MBOAT2: variants seen among roughly 807,000 people sequenced by gnomAD.
The protein encoded by MBOAT2 is membrane-bound glycerophospholipid O-acyltransferase 2.
Under a neutral mutation model 63.4 loss-of-function variants are expected in MBOAT2, and 28 were observed. That is an observed-to-expected ratio of 0.44 (90% confidence interval 0.33 to 0.61). The LOEUF is 0.61. Ranked by LOEUF, MBOAT2 falls within the 20% of genes least tolerant of loss-of-function variation. The pLI is 0.03. For missense variants in MBOAT2, 470 were observed against 605.8 expected (o/e 0.78, Z 2.35); for synonymous variants, 211 against 215.6 (o/e 0.98, Z 0.19).
In MBOAT2 at chr2:8,862,495, A is replaced by G. The variant is rs1661566993; in HGVS notation, c.1185+95T>C. On this transcript the variant is annotated intron_variant, in intron 11 of 12. Transcript: ENST00000305997. The surrounding 1 kb of genome is among the most constrained non-coding windows in gnomAD (Gnocchi z 4.3). ...GAAAGGACAATACTGACCACGACCAAGGAAAGAGGGTCTACCTTGTAAGAG... is the reference window on the plus strand; with the variant it reads ...GAAAGGACAATACTGACCACGACCAGGGAAAGAGGGTCTACCTTGTAAGAG... 6.8e-7 allele frequency: 1 copy of G among 1,470,662 alleles called. No individual in the cohort carries two copies. The highest frequency in any genetic ancestry group is 1.3e-5 in the South Asian group (1 of 76,030). The allele number at this position is 1,470,662 out of a possible 1,614,324, so 91.1% of individuals were successfully genotyped here.
chr2:8,913,973 G>A (rs1413232262), intron 3 of MBOAT2, among the ~76,000 whole-genome samples: 4 of 152,172 alleles, frequency 2.6e-5, no homozygotes, highest in Non-Finnish European at 4.4e-5. Flanking sequence ...ATATATATAC[G>A]ATGGAATACT....
At chr2:8,919,415 T>G (rs576500095) in intron 3 of MBOAT2, among the ~76,000 whole-genome samples, 3 of 152,358 alleles carry the variant, frequency 2.0e-5, no homozygotes, top group African/African-American at 7.2e-5. Context: ...ACATCCATTC[T>G]AGTGGATATA....
chr2:8,871,111 C>T lies in MBOAT2; in HGVS notation c.883+1997G>A, dbSNP rs1193940090. 9.2e-5 allele frequency among the ~76,000 whole-genome samples: 14 copies of T among 152,214 alleles called. 1 individual carries two copies. The East Asian group carries it at 2.3e-3, about 25-fold the overall frequency. ...CCTGGCTAAAGCGGTACTCCCACCT[C>T]AGACTCCTGAGTAGCTGGGACCACA... On this transcript the variant is annotated intron_variant, in intron 8 of 12. Transcript: ENST00000305997.
Position 8,862,714 on chromosome 2 carries a change from T to C in MBOAT2, c.1061A>G (p.Tyr354Cys), listed in dbSNP as rs1454776174. 2 of 1,612,702 alleles carry C rather than the reference T, an allele frequency of 1.2e-6. No individual in the cohort carries two copies. The highest frequency in any genetic ancestry group is 1.7e-6 in the Non-Finnish European group (2 of 1,179,554). ...QTALWLKRVC[Y>C]ERTSFSPTIQ... ...AGTTGGACTGAAGGAGGTTCGTTCATAACACACCCTAGAAACCATGAAAAA... is the reference window on the plus strand; with the variant it reads ...AGTTGGACTGAAGGAGGTTCGTTCACAACACACCCTAGAAACCATGAAAAA... The change falls in exon 11 of 13, where the codon TAT becomes TGT. Residue 354 changes from tyrosine (Y) to cysteine (C), a missense_variant. This residue lies in a region of MBOAT2 where 376 missense variants were observed against 503.8 expected (regional missense o/e 0.75). Transcript: ENST00000305997. The surrounding 1 kb of genome is among the most constrained non-coding windows in gnomAD (Gnocchi z 4.3).
At chr2:8,939,860 C>T (rs992289962) in intron 3 of MBOAT2, among the ~76,000 whole-genome samples, 5 of 152,208 alleles carry the variant, frequency 3.3e-5, no homozygotes, top group African/African-American at 1.2e-4. Flanking sequence ...AGATTCTCCT[C>T]TGTCTGCTGA....
In MBOAT2 at chr2:8,856,351, C is replaced by T. The variant is rs1661086386; in HGVS notation, c.*2328G>A. The T allele has an allele frequency of 6.6e-6, 1 of 151,300 alleles. No homozygotes were observed. Among genetic ancestry groups the T allele is most frequent in the African/African-American group, 2.4e-5 (1 of 41,124 alleles). The allele number at this position is 151,300 out of a possible 1,614,324, so 9.4% of individuals were successfully genotyped here. On this transcript the variant is annotated 3_prime_UTR_variant, in exon 13 of 13. Coordinates refer to ENST00000305997, the MANE Select transcript of MBOAT2 (RefSeq NM_138799.4). The surrounding 1 kb of genome is among the most constrained non-coding windows in gnomAD (Gnocchi z 4.2). The stretch of plus-strand genomic sequence containing the variant: ...CACACACACACACACGAACAAAACC[C>T]AACAAGTTTGTATTAAGCCTTCTTG...
chr2:8,984,208 A>G (rs959232010), intron 1 of MBOAT2, among the ~76,000 whole-genome samples: 3 of 152,220 alleles, frequency 2.0e-5, no homozygotes, highest in Non-Finnish European at 4.4e-5. Flanking sequence ...AGAACAGTCA[A>G]CTTCACAGAA....
chr2:8,971,330 A>C (rs1670436227), intron 1 of MBOAT2, among the ~76,000 whole-genome samples: 1 of 152,250 alleles, frequency 6.6e-6, no homozygotes, highest in Non-Finnish European at 1.5e-5. Context: ...TTCGTGCTAA[A>C]AACTCTCAAT....
intron 3 of MBOAT2, among the ~76,000 whole-genome samples, chr2:8,915,289 T>C (rs62104425): frequency 0.068 from 10,299 of 152,192 alleles, 379 homozygotes; most frequent in Middle Eastern, 0.095. Context: ...TATCACAAAG[T>C]ACTAAATAGT....
chr2:8,904,668 A>G (rs575873628), intron 4 of MBOAT2, among the ~76,000 whole-genome samples: 36 of 152,174 alleles, frequency 2.4e-4, no homozygotes, highest in African/African-American at 8.4e-4. Context: ...CAGTTACTCT[A>G]TGTTCTACAG....
chr2:8,859,271 T>C (rs1661328778), intron 12 of MBOAT2, among the ~76,000 whole-genome samples: 5 of 152,172 alleles, frequency 3.3e-5, no homozygotes, highest in Admixed American at 3.3e-4. Context: ...AAAGAAAATG[T>C]GGAGATAGTT....
At chr2:8,859,885 T>C (rs183551999) in intron 12 of MBOAT2, among the ~76,000 whole-genome samples, 1 of 152,184 alleles carries the variant, frequency 6.6e-6, no homozygotes, top group African/African-American at 2.4e-5. Flanking sequence ...ACAAATAAAA[T>C]ATAATTTATT....
At chr2:8,922,124 C>A (rs1027890861) in intron 3 of MBOAT2, among the ~76,000 whole-genome samples, 3 of 152,164 alleles carry the variant, frequency 2.0e-5, no homozygotes, top group African/African-American at 7.2e-5. Flanking sequence ...CTTAAGTTCA[C>A]TGATGCTTTG....
intron 7 of MBOAT2, among the ~76,000 whole-genome samples, chr2:8,874,442 A>C (rs1662560513): frequency 2.0e-5 from 3 of 152,218 alleles, no homozygotes; most frequent in African/African-American, 7.2e-5. Flanking sequence ...AAATGAAGCA[A>C]GGTGAAATAA....
At chr2:8,995,266 G>C (rs1009542137) in intron 1 of MBOAT2, among the ~76,000 whole-genome samples, 2 of 152,274 alleles carry the variant, frequency 1.3e-5, no homozygotes, top group East Asian at 1.9e-4. Context: ...CATGGAGCAG[G>C]CTCTCTCACA....
intron 2 of MBOAT2, among the ~76,000 whole-genome samples, chr2:8,956,467 G>A (rs1024115995): frequency 1.2e-4 from 18 of 152,114 alleles, no homozygotes; most frequent in African/African-American, 3.4e-4. Context: ...TTGGGAAGTC[G>A]AGCTGGGCAG....
intron 4 of MBOAT2, among the ~76,000 whole-genome samples, chr2:8,889,395 G>A (rs1384757635): frequency 6.6e-6 from 1 of 152,206 alleles, no homozygotes; most frequent in Admixed American, 6.5e-5. Context: ...TCTCATCAAT[G>A]ACAAATGTTC....
chr2:8,988,678 C>G (rs1671723880), intron 1 of MBOAT2, among the ~76,000 whole-genome samples: 1 of 152,090 alleles, frequency 6.6e-6, no homozygotes, highest in Non-Finnish European at 1.5e-5. Context: ...CCCTTAGGAG[C>G]TGTATTTGAT....
At position 8,873,283 on chromosome 2, in the gene MBOAT2, C is replaced by T. The variant is rs1662470579; in HGVS notation, c.708G>A (p.Lys236=). The T allele has an allele frequency of 6.2e-7, 1 of 1,613,374 alleles. No homozygotes were observed. The highest frequency in any genetic ancestry group is 2.2e-5 in the East Asian group (1 of 44,876). ...EPSPNTAVVQ[K]LLVCGLSLLF... ...ACAAGGACAGCCCACAAACTAAGAG[C>T]TTCTGAACAACCGCAGTCTGAAAAG... Residue 236 remains lysine, a synonymous_variant, in exon 8 of 13, where the codon AAG becomes AAA. Transcript: ENST00000305997.
Sources: gnomAD v4.1 joint callset for allele counts (sites outside exome capture counted in the v4.1 genomes callset) on GRCh38, gnomAD v4.1.1 for gene constraint, gnomAD v4.1.1 regional missense constraint, Gnocchi (gnomAD v3.1) non-coding constraint, MANE v1.5 for transcripts, NCBI Gene and HGNC (gene_info 2026-07-23, HGNC 2026-07-21) for gene names.